The following RALGAPB variants were observed in gnomAD, a reference collection of about 807,000 sequenced individuals.
RALGAPB encodes ral GTPase-activating protein subunit beta.
A neutral mutation model predicts 161.1 loss-of-function variants in RALGAPB; 25 were observed. The observed-to-expected ratio is 0.16, with a 90% CI of 0.11 to 0.22. The LOEUF is 0.22. Among genes scored for constraint, RALGAPB ranks in the 10% least tolerant of loss-of-function variants. RALGAPB has a pLI of 1.00. For missense variants in RALGAPB, 1,391 were observed against 1,815.2 expected, an observed-to-expected ratio of 0.77 and a Z score of 4.25; for synonymous variants, 629 against 626.1, an observed-to-expected ratio of 1.00 and a Z score of -0.07.
At position 38,509,102 on chromosome 20, in the gene RALGAPB, T is replaced by G. The variant is rs771032933; in HGVS notation, c.766T>G (p.Ser256Ala). ...ATTGCTACGCTTTACATATGGTCCT[T>G]CATTTCCTGCATTTAAAGTTCCCGA... The part of the protein sequence containing the change: ...SRLLRFTYGP[S>A]FPAFKVPDED... The change falls in exon 6 of 30, where the codon TCA becomes GCA. Residue 256 changes from serine to alanine, a missense_variant. By Grantham distance (99) the Ser-to-Ala change is moderately conservative (BLOSUM62 1). Coordinates refer to ENST00000262879, the MANE Select transcript of RALGAPB (RefSeq NM_020336.4). 3 of 1,613,738 alleles carry G rather than the reference T, an allele frequency of 1.9e-6. No individual in the cohort carries two copies. The highest frequency in any genetic ancestry group is 2.5e-6 in the Non-Finnish European group (3 of 1,179,588).
intron 1 of RALGAPB, among the ~76,000 whole-genome samples, chr20:38,475,405 A>T (rs1295147942): frequency 6.6e-6 from 1 of 152,212 alleles, no homozygotes; most frequent in Admixed American, 6.5e-5. Flanking sequence ...TGCCATATTT[A>T]CAAGTTTAAA....
chr20:38,523,502 T>C (rs1203656752), intron 10 of RALGAPB, among the ~76,000 whole-genome samples: 10 of 152,216 alleles, frequency 6.6e-5, no homozygotes, highest in African/African-American at 2.4e-4. Flanking sequence ...GAGGGCAAGT[T>C]ATTAGTTTAG....
At position 38,572,254 on chromosome 20, in the gene RALGAPB, G is replaced by A. The variant is rs151152576; in HGVS notation, c.4142+1407G>A. Among the ~76,000 whole-genome samples, 859 of 152,274 alleles carry A rather than the reference G, an allele frequency of 5.6e-3. 5 individuals carry two copies. Among genetic ancestry groups the A allele is most frequent in the African/African-American group, 0.019 (809 of 41,552 alleles). The stretch of plus-strand genomic sequence containing the variant: ...GTTTTACCTGCCCATACACAAGAAG[G>A]ATAAAAAGAGAATAATCTGATTCTA... On this transcript the variant is annotated intron_variant, in intron 28 of 29. Transcript: ENST00000262879.
At chr20:38,497,063 A>AACCCC (rs1159221493) in intron 3 of RALGAPB, among the ~76,000 whole-genome samples, 1 of 152,242 alleles carries the variant, frequency 6.6e-6, no homozygotes, top group Non-Finnish European at 1.5e-5. Flanking sequence ...TGTGTTAGGC[A>AACCCC]CATGTTAGAC....
At chr20:38,522,898 T>C (rs1334940607) in intron 10 of RALGAPB, among the ~76,000 whole-genome samples, 2 of 152,184 alleles carry the variant, frequency 1.3e-5, no homozygotes, top group African/African-American at 2.4e-5. Context: ...ACAACTTTAT[T>C]CCTCTCTCTT....
In RALGAPB at chr20:38,578,077, G is replaced by T. The variant is rs141336415; in HGVS notation, c.*3110G>T. 82 of 152,250 alleles carry T rather than the reference G, an allele frequency of 5.4e-4. No individual in the cohort carries two copies. The highest frequency in any genetic ancestry group is 1.9e-3 in the African/African-American group (78 of 41,546). 9.4% of individuals were successfully genotyped at this position (152,250 alleles called of 1,614,324 possible). A position where few individuals can be genotyped will look rare whatever the true frequency, so the allele number is the denominator to read the frequency against. ...AATAAATAAATAAATAATAAAAAAA[G>T]AAACATGTATTGGAGGTAATTTGAC... On this transcript the variant is annotated 3_prime_UTR_variant, in exon 30 of 30. Coordinates refer to ENST00000262879, the MANE Select transcript of RALGAPB (RefSeq NM_020336.4).
intron 1 of RALGAPB, among the ~76,000 whole-genome samples, chr20:38,480,072 C>T (rs1263480088): frequency 6.6e-6 from 1 of 151,994 alleles, no homozygotes; most frequent in African/African-American, 2.4e-5. Context: ...TCCTCCACCT[C>T]CTGGGTTCAA....
intron 28 of RALGAPB, 94 bp downstream of exon 28, chr20:38,570,941 T>C (rs1568988046): frequency 2.5e-6 from 2 of 804,348 alleles, no homozygotes; most frequent in Non-Finnish European, 4.0e-6. Context: ...GAAAGAGTTG[T>C]AGACAACTAG....
chr20:38,540,201 A>G (rs983825477), intron 17 of RALGAPB, among the ~76,000 whole-genome samples: 3 of 152,216 alleles, frequency 2.0e-5, no homozygotes, highest in Admixed American at 1.3e-4. Flanking sequence ...TGGCTAATTT[A>G]TCTGAGCTAT....
intron 2 of RALGAPB, among the ~76,000 whole-genome samples, chr20:38,490,749 A>T (rs971037193): frequency 1.5e-4 from 22 of 151,232 alleles, no homozygotes; most frequent in African/African-American, 5.4e-4. Flanking sequence ...ACCTCAGGTG[A>T]TCCACCCACC....
chr20:38,533,004 A>G (rs1237975049), intron 15 of RALGAPB, 145 bp downstream of exon 15: 1 of 965,352 alleles, frequency 1.0e-6, no homozygotes, highest in Non-Finnish European at 1.5e-6. Context: ...TAAGAAGCTA[A>G]GAAAAAACAA....
intron 27 of RALGAPB, 96 bp downstream of exon 27, chr20:38,570,092 C>T (rs920210508): frequency 2.0e-6 from 2 of 978,994 alleles, no homozygotes; most frequent in Non-Finnish European, 3.1e-6. Context: ...CCTGGTGTGG[C>T]CAGGAGCTAG....
chr20:38,507,002 G>A (rs6100006), intron 5 of RALGAPB, among the ~76,000 whole-genome samples: 1 of 152,180 alleles, frequency 6.6e-6, no homozygotes, highest in African/African-American at 2.4e-5. Flanking sequence ...GGGAGGCTGA[G>A]GCAGGATGAT....
chr20:38,574,339 T>G, intron 29 of RALGAPB, 41 bp downstream of exon 29: 1 of 1,546,508 alleles, frequency 6.5e-7, no homozygotes, highest in Non-Finnish European at 8.7e-7. Flanking sequence ...AATTTTCTTT[T>G]TCTTTATCAT....
intron 1 of RALGAPB, among the ~76,000 whole-genome samples, chr20:38,486,500 C>G (rs1467277429): frequency 6.6e-6 from 1 of 152,138 alleles, no homozygotes; most frequent in Non-Finnish European, 1.5e-5. Flanking sequence ...TGCAGATTCT[C>G]AGGCCCCAGC....
At position 38,497,434 on chromosome 20, in the gene RALGAPB, C is replaced by T. The variant is rs562100473; in HGVS notation, c.471C>T (p.Leu157=). The change falls in exon 4 of 30, where the codon CTC becomes CTT. Residue 157 remains leucine, a synonymous_variant. Coordinates refer to ENST00000262879, the MANE Select transcript of RALGAPB (RefSeq NM_020336.4). The stretch of plus-strand genomic sequence containing the variant: ...AGAAACTGGCCCGTGAGTCATCTCT[C>T]ATGGCCCGAGAAACTTGGGAAGTCT... The part of the protein sequence containing the change: ...AIQKLARESS[L]MARETWEVLL... The T allele has an allele frequency of 1.9e-6, 3 of 1,614,118 alleles. No individual in the cohort carries two copies. The highest frequency in any genetic ancestry group is 2.2e-5 in the East Asian group (1 of 44,884).
intron 16 of RALGAPB, among the ~76,000 whole-genome samples, chr20:38,536,900 C>G (rs1275926775): frequency 6.6e-6 from 1 of 152,204 alleles, no homozygotes; most frequent in Non-Finnish European, 1.5e-5. Context: ...GACATCATAA[C>G]TTTGCGAGAA....
intron 17 of RALGAPB, 96 bp from the exon 18 acceptor site, chr20:38,540,945 A>C (rs2086945873): frequency 1.5e-6 from 2 of 1,373,948 alleles, no homozygotes; most frequent in Non-Finnish European, 2.0e-6. Flanking sequence ...GAGCCCTTCC[A>C]CCAAAACGCA....
chr20:38,562,480 G>T (rs761399463), intron 23 of RALGAPB, 52 bp from the exon 24 acceptor site: 197 of 1,405,140 alleles, frequency 1.4e-4, no homozygotes, highest in Non-Finnish European at 1.9e-4. Flanking sequence ...GATTTATTTT[G>T]ATATATTATT....
Sources: allele counts gnomAD v4.1 joint callset (sites outside exome capture counted in the v4.1 genomes callset), GRCh38; gene constraint gnomAD v4.1.1; transcripts MANE v1.5; gene names NCBI Gene and HGNC (gene_info 2026-07-23, HGNC 2026-07-21).